HHAT: variants seen among roughly 807,000 people sequenced by gnomAD.
The protein encoded by HHAT is hedgehog acyltransferase.
A neutral mutation model predicts 70.8 loss-of-function variants in HHAT; 47 were observed. The ratio of observed to expected loss-of-function variants is 0.66; its 90% CI spans 0.53 to 0.85. The LOEUF is 0.85. HHAT is among the 40% of genes least tolerant of loss of function. The pLI is 0.00. For synonymous variants in HHAT, 228 were observed against 247.6 expected (o/e 0.92, Z 0.74); for missense variants, 609 against 604.8 (o/e 1.01, Z -0.07).
chr1:210,373,843 A>G (rs1384087818), intron 3 of HHAT, among the ~76,000 whole-genome samples: 1 of 152,228 alleles, frequency 6.6e-6, no homozygotes, highest in Non-Finnish European at 1.5e-5. Context: ...ACAGGCAACC[A>G]GAAATTCTCC....
intron 8 of HHAT, among the ~76,000 whole-genome samples, chr1:210,505,563 A>G (rs896952697): frequency 1.3e-5 from 2 of 152,210 alleles, no homozygotes; most frequent in African/African-American, 2.4e-5. Context: ...TAGGTAGGCC[A>G]GCTGAACTAA....
intron 9 of HHAT, among the ~76,000 whole-genome samples, chr1:210,575,998 A>C (rs1371503092): frequency 6.6e-6 from 1 of 152,166 alleles, no homozygotes; most frequent in East Asian, 1.9e-4. Flanking sequence ...TGACACACCC[A>C]CATACCCTCT....
intron 9 of HHAT, among the ~76,000 whole-genome samples, chr1:210,542,865 T>C (rs939791804): frequency 1.3e-5 from 2 of 152,186 alleles, no homozygotes; most frequent in African/African-American, 4.8e-5. Flanking sequence ...ATATATATTA[T>C]ACATATATGG....
At chr1:210,563,990 G>A (rs979422937) in intron 9 of HHAT, among the ~76,000 whole-genome samples, 6 of 152,062 alleles carry the variant, frequency 3.9e-5, no homozygotes, top group Non-Finnish European at 5.9e-5. Context: ...GTCTCATTCT[G>A]TCATCCAGGC....
intron 2 of HHAT, among the ~76,000 whole-genome samples, chr1:210,352,658 G>A (rs2087151391): frequency 6.6e-6 from 1 of 152,104 alleles, no homozygotes; most frequent in Non-Finnish European, 1.5e-5. Flanking sequence ...GTTGTCACGT[G>A]GTTGGGGACA....
intron 6 of HHAT, among the ~76,000 whole-genome samples, chr1:210,412,276 T>G (rs1240204439): frequency 6.6e-6 from 1 of 152,160 alleles, no homozygotes; most frequent in African/African-American, 2.4e-5. Flanking sequence ...CCCTGCCCCC[T>G]GAAAATTAAT....
At chr1:210,530,193 C>T (rs1186302697) in intron 9 of HHAT, among the ~76,000 whole-genome samples, 4 of 152,012 alleles carry the variant, frequency 2.6e-5, no homozygotes, top group Non-Finnish European at 5.9e-5. Flanking sequence ...GAGTAAATGA[C>T]TCAAAACCTA....
At chr1:210,393,890 T>C (rs1021219231) in intron 4 of HHAT, among the ~76,000 whole-genome samples, 12 of 152,176 alleles carry the variant, frequency 7.9e-5, no homozygotes, top group African/African-American at 2.2e-4. Flanking sequence ...CTTACATAAG[T>C]ATGAACCACA....
rs1163125500 is a variant in HHAT at position 210,432,637 on chromosome 1, T to C, written c.856+14312T>C. ...GCCACGTAGTCTTAGATGGCCTTGC[T>C]ATCACATAGCCCAGTGGGTCCTGAC... On this transcript the variant is annotated intron_variant, in intron 7 of 11. Coordinates refer to ENST00000261458, the MANE Select transcript of HHAT (RefSeq NM_018194.6). Among the ~76,000 whole-genome samples, 4 of 151,968 alleles carry C rather than the reference T, an allele frequency of 2.6e-5. No homozygotes were observed. The East Asian group carries it at 7.7e-4, about 29-fold the overall frequency.
At chr1:210,475,587 A>G (rs2148471617) in intron 8 of HHAT, among the ~76,000 whole-genome samples, 1 of 152,298 alleles carries the variant, frequency 6.6e-6, no homozygotes, top group Non-Finnish European at 1.5e-5. Context: ...ATGGGACTGA[A>G]TAATTTCATC....
At chr1:210,638,456 A>C (rs1419919690) in intron 11 of HHAT, among the ~76,000 whole-genome samples, 1 of 152,236 alleles carries the variant, frequency 6.6e-6, no homozygotes, top group Non-Finnish European at 1.5e-5. Context: ...TATTTATAAA[A>C]TGTCCAGAAT....
intron 9 of HHAT, among the ~76,000 whole-genome samples, chr1:210,585,233 C>T (rs1482150148): frequency 6.6e-6 from 1 of 152,140 alleles, no homozygotes; most frequent in Non-Finnish European, 1.5e-5. Flanking sequence ...ACCTCAGTTT[C>T]CTCACCCATA....
chr1:210,577,637 ATTTT>A (rs1192626068), intron 9 of HHAT, among the ~76,000 whole-genome samples: 8 of 60,206 alleles, frequency 1.3e-4, no homozygotes, highest in African/African-American at 5.4e-4. Context: ...GGCCTGTAGG[ATTTT>A]TTTTTTTTTT....
At chr1:210,480,648 T>C (rs61828075) in intron 8 of HHAT, among the ~76,000 whole-genome samples, 1 of 152,216 alleles carries the variant, frequency 6.6e-6, no homozygotes, top group Non-Finnish European at 1.5e-5. Flanking sequence ...TCTTGCACTT[T>C]CCATCTACAG....
chr1:210,352,640 G>A (rs1445443417), intron 2 of HHAT, among the ~76,000 whole-genome samples: 1 of 152,200 alleles, frequency 6.6e-6, no homozygotes, highest in Non-Finnish European at 1.5e-5. Context: ...TCTATCAGCA[G>A]TAGTGGGGTT....
intron 6 of HHAT, among the ~76,000 whole-genome samples, chr1:210,415,195 A>G (rs751772306): frequency 6.6e-6 from 1 of 152,192 alleles, no homozygotes; most frequent in Non-Finnish European, 1.5e-5. Flanking sequence ...CCAACACCCT[A>G]GTGTTGGACA....
intron 7 of HHAT, among the ~76,000 whole-genome samples, chr1:210,432,720 G>A (rs563558284): frequency 1.5e-4 from 23 of 151,742 alleles, no homozygotes; most frequent in Admixed American, 5.2e-4. Flanking sequence ...CAGGGTCTCC[G>A]TCTCTCCAGG....
intron 3 of HHAT, among the ~76,000 whole-genome samples, chr1:210,373,081 A>G (rs1027547400): frequency 5.9e-5 from 9 of 152,194 alleles, no homozygotes; most frequent in Non-Finnish European, 1.2e-4. Context: ...AATCCTTCAA[A>G]TGCTAACTCA....
chr1:210,472,719 GTGTT>G lies in HHAT; in HGVS notation c.1007+8065_1007+8068del, dbSNP rs2094226285. Among the ~76,000 whole-genome samples the G allele has an allele frequency of 2.0e-5, 3 of 152,292 alleles. No homozygotes were observed. The South Asian group carries it at 6.2e-4, about 32-fold the overall frequency. The stretch of plus-strand genomic sequence containing the variant: ...CAGTCTCAAGAGGTCCTGAGAACCT[GTGTT>G]CATTAGGTTATAGCTTGGTTTTATA... On this transcript the variant is annotated intron_variant, in intron 8 of 11. Transcript: ENST00000261458.
Sources: gnomAD v4.1 joint callset for allele counts (sites outside exome capture counted in the v4.1 genomes callset) on GRCh38, gnomAD v4.1.1 for gene constraint, MANE v1.5 for transcripts, NCBI Gene and HGNC (gene_info 2026-07-23, HGNC 2026-07-21) for gene names.